Variants in EYS observed in about 807,000 individuals in gnomAD.
The protein encoded by EYS is EGF-like photoreceptor maintenance factor.
In EYS, 250 loss-of-function variants were observed where a neutral mutation model predicts 282.1. That is an observed-to-expected ratio of 0.89 (90% CI 0.80 to 0.98). The LOEUF (loss-of-function observed/expected upper bound fraction) is 0.98. Ranked by LOEUF, EYS falls within the 50% of genes least tolerant of loss-of-function variation. The pLI, the probability that EYS is intolerant of heterozygous loss-of-function variation, is 0.00. For missense variants in EYS, 4,016 were observed against 3,709.0 expected (o/e 1.08, Z -2.15); for synonymous variants, 1,355 against 1,282.9 (o/e 1.06, Z -1.20).
At chr6:64,891,763 C>A (rs914346664) in intron 18 of EYS, among the ~76,000 whole-genome samples, 1 of 151,922 alleles carries the variant, frequency 6.6e-6, no homozygotes, top group Admixed American at 6.6e-5. Flanking sequence ...CTAAAGTATA[C>A]CTTCCTTTGA....
intron 30 of EYS, among the ~76,000 whole-genome samples, chr6:64,269,903 G>C (rs1436707810): frequency 2.0e-5 from 3 of 151,742 alleles, no homozygotes; most frequent in Non-Finnish European, 4.4e-5. Flanking sequence ...TTTTGACTTT[G>C]TAGTAAAAAA....
intron 36 of EYS, among the ~76,000 whole-genome samples, chr6:63,825,338 G>T (rs867369105): frequency 6.6e-6 from 1 of 152,186 alleles, no homozygotes; most frequent in African/African-American, 2.4e-5. Context: ...GGAAGACAAA[G>T]GGCGTATAAT....
intron 26 of EYS, among the ~76,000 whole-genome samples, chr6:64,565,076 T>C (rs1765522098): frequency 6.6e-6 from 1 of 152,174 alleles, no homozygotes. Context: ...ATCAGATGTG[T>C]GGTTTGCAGT....
intron 30 of EYS, among the ~76,000 whole-genome samples, chr6:64,274,481 GTTTTTTTT>G (rs10640761): frequency 1.1e-5 from 1 of 92,230 alleles, no homozygotes; most frequent in Non-Finnish European, 1.9e-5. Flanking sequence ...ACGCCTGGCC[GTTTTTTTT>G]TTTTTTTTTT....
chr6:63,971,182 C>T (rs1766553527), intron 35 of EYS, among the ~76,000 whole-genome samples: 1 of 152,136 alleles, frequency 6.6e-6, no homozygotes, highest in Non-Finnish European at 1.5e-5. Flanking sequence ...TGGAGAACTG[C>T]AGTGTGAGGA....
intron 32 of EYS, among the ~76,000 whole-genome samples, chr6:64,068,612 A>C (rs903232024): frequency 6.6e-6 from 1 of 151,988 alleles, no homozygotes; most frequent in Non-Finnish European, 1.5e-5. Context: ...CATGTGTAAC[A>C]AACCTGCAGT....
chr6:64,672,181 T>C (rs746499543), intron 22 of EYS, among the ~76,000 whole-genome samples: 12 of 152,194 alleles, frequency 7.9e-5, no homozygotes, highest in Non-Finnish European at 1.6e-4. Flanking sequence ...TTTTAACTGA[T>C]GCCCTAGTCT....
intron 26 of EYS, among the ~76,000 whole-genome samples, chr6:64,585,307 T>C (rs1022456045): frequency 1.3e-5 from 2 of 152,038 alleles, no homozygotes; most frequent in Non-Finnish European, 2.9e-5. Context: ...GCAGACACTT[T>C]GGACTAGTAG....
At chr6:64,888,864 G>A (rs892171561) in intron 18 of EYS, among the ~76,000 whole-genome samples, 4 of 151,824 alleles carry the variant, frequency 2.6e-5, no homozygotes, top group African/African-American at 9.7e-5. Flanking sequence ...GAGAGAAATT[G>A]GACACAGAAT....
chr6:64,824,785 G>A (rs1262298220), intron 19 of EYS, among the ~76,000 whole-genome samples: 2 of 151,798 alleles, frequency 1.3e-5, no homozygotes, highest in African/African-American at 2.4e-5. Flanking sequence ...TCCATAAAAG[G>A]CAAACATGTC....
rs768086325 is a variant in EYS at position 65,080,326 on chromosome 6, A to G, written c.2024-22599T>C. 3.8e-4 allele frequency among the ~76,000 whole-genome samples: 58 copies of G among 152,116 alleles called. 1 individual carries two copies. Among genetic ancestry groups the G allele is most frequent in the Non-Finnish European group, 2.2e-4 (15 of 68,036 alleles). On this transcript the variant is annotated intron_variant, in intron 12 of 42. Transcript: ENST00000503581. ...TAAAGAGAAAGGTAGTAACAATAAC[A>G]TAATTGTTTTCCTGGCCATGTAGGA...
chr6:64,452,664 C>T (rs1775400167), intron 26 of EYS, among the ~76,000 whole-genome samples: 2 of 151,986 alleles, frequency 1.3e-5, no homozygotes, highest in Non-Finnish European at 2.9e-5. Context: ...AACAGAGATA[C>T]AGACCAATGG....
chr6:64,572,911 GA>G (rs60862238), intron 26 of EYS, among the ~76,000 whole-genome samples: 1 of 151,580 alleles, frequency 6.6e-6, no homozygotes, highest in Non-Finnish European at 1.5e-5. Context: ...TACAAAATTA[GA>G]AAAAAAACTA....
At chr6:64,220,345 T>G (rs1048563650) in intron 31 of EYS, among the ~76,000 whole-genome samples, 2 of 152,300 alleles carry the variant, frequency 1.3e-5, no homozygotes, top group African/African-American at 4.8e-5. Flanking sequence ...AATGGGAATA[T>G]GAATAGTTAT....
At chr6:63,884,109 A>G (rs1337067948) in intron 35 of EYS, among the ~76,000 whole-genome samples, 1 of 152,224 alleles carries the variant, frequency 6.6e-6, no homozygotes, top group Non-Finnish European at 1.5e-5. Context: ...AGTCTAGAAC[A>G]ATGGCTGTCA....
Position 64,938,337 on chromosome 6 carries a change from TGAGAGAGAGAGAGAGAGA to T in EYS, c.2381+7438_2381+7455del, listed in dbSNP as rs375999442. On this transcript the variant is annotated intron_variant, in intron 15 of 42. Coordinates refer to ENST00000503581, the MANE Select transcript of EYS (RefSeq NM_001142800.2). ...ATGAATATAGTATAATAAGATATTT[TGAGAGAGAGAGAGAGAGA>T]GAGACCACATTGACACACTTTTATT... Among the ~76,000 whole-genome samples, 8 of 148,422 alleles carry T rather than the reference TGAGAGAGAGAGAGAGAGA, an allele frequency of 5.4e-5. No individual in the cohort carries two copies. In the East Asian group the frequency reaches 1.4e-3, roughly 26 times the overall value.
intron 13 of EYS, among the ~76,000 whole-genome samples, chr6:65,029,657 G>A (rs1476590697): frequency 6.6e-6 from 1 of 151,976 alleles, no homozygotes; most frequent in Admixed American, 6.6e-5. Context: ...TGAAGATGAT[G>A]AGGATGAAGA....
At chr6:63,817,879 G>A (rs541243474) in intron 36 of EYS, among the ~76,000 whole-genome samples, 62 of 152,270 alleles carry the variant, frequency 4.1e-4, no homozygotes, top group African/African-American at 1.4e-3. Flanking sequence ...GTGGGCCTGC[G>A]GTCAGGAGCT....
At chr6:64,153,682 G>C (rs1774818808) in intron 31 of EYS, among the ~76,000 whole-genome samples, 1 of 152,156 alleles carries the variant, frequency 6.6e-6, no homozygotes. Context: ...GGAGACACAA[G>C]AACTGTCATA....
Sources: gnomAD v4.1 joint callset for allele counts (sites outside exome capture counted in the v4.1 genomes callset) on GRCh38, gnomAD v4.1.1 for gene constraint, MANE v1.5 for transcripts, NCBI Gene and HGNC (gene_info 2026-07-23, HGNC 2026-07-21) for gene names.